CDKN3: variants seen among roughly 807,000 people sequenced by gnomAD.
CDKN3 encodes the protein cyclin dependent kinase inhibitor 3.
CDKN3 carries 19 observed loss-of-function variants against 36.1 expected under a neutral mutation model. That is an observed-to-expected ratio of 0.53 (90% CI 0.37 to 0.77). CDKN3 has a LOEUF of 0.77. Ranked by LOEUF, CDKN3 falls within the 30% of genes least tolerant of loss-of-function variation. The pLI, the probability that CDKN3 is intolerant of heterozygous loss-of-function variation, is 0.00. For missense variants in CDKN3, 188 were observed against 248.6 expected, an observed-to-expected ratio of 0.76 and a Z score of 1.64; for synonymous variants, 71 against 85.3, an observed-to-expected ratio of 0.83 and a Z score of 0.92.
At chr14:54,408,839 C>A in intron 4 of CDKN3, 50 bp downstream of exon 4, 2 of 1,490,482 alleles carry the variant, frequency 1.3e-6, no homozygotes, top group African/African-American at 1.5e-5. Flanking sequence ...AAATGAATAG[C>A]ATTGAAAAAC....
intron 4 of CDKN3, among the ~76,000 whole-genome samples, chr14:54,410,748 G>A (rs2030320216): frequency 2.6e-5 from 4 of 151,900 alleles, no homozygotes. Flanking sequence ...TAGCAGACAT[G>A]GTTGATTTTG....
intron 4 of CDKN3, among the ~76,000 whole-genome samples, chr14:54,410,918 C>G (rs1594605584): frequency 6.6e-6 from 1 of 151,998 alleles, no homozygotes; most frequent in African/African-American, 2.4e-5. Flanking sequence ...GTGGCTCATG[C>G]CTGTAATCCC....
At chr14:54,404,073 C>T (rs1458827201) in intron 3 of CDKN3, among the ~76,000 whole-genome samples, 2 of 152,148 alleles carry the variant, frequency 1.3e-5, no homozygotes, top group African/African-American at 4.8e-5. Context: ...GGAGGATTCC[C>T]TCTTTTTCTA....
chr14:54,404,742 T>A (rs999128079), intron 3 of CDKN3, among the ~76,000 whole-genome samples: 2 of 151,936 alleles, frequency 1.3e-5, no homozygotes, highest in Admixed American at 1.3e-4. Context: ...ACCCAGCTAA[T>A]TTTTTTGTAT....
chr14:54,411,935 T>C (rs935050704), intron 5 of CDKN3: 1 of 579,784 alleles, frequency 1.7e-6, no homozygotes, highest in Admixed American at 3.1e-5. Context: ...GATTTGGAAA[T>C]TGTTAGAACA....
intron 1 of CDKN3, 123 bp downstream of exon 1, chr14:54,397,200 T>G (rs565331760): frequency 5.2e-6 from 6 of 1,155,004 alleles, no homozygotes; most frequent in Non-Finnish European, 6.8e-6. Context: ...GCCGTAACCG[T>G]TCTGCGGGTC....
At chr14:54,398,605 A>G (rs1030686963) in intron 1 of CDKN3, among the ~76,000 whole-genome samples, 4 of 152,180 alleles carry the variant, frequency 2.6e-5, no homozygotes, top group Non-Finnish European at 5.9e-5. Flanking sequence ...TTATCTTTCA[A>G]TTGGTTTCAA....
intron 4 of CDKN3, among the ~76,000 whole-genome samples, chr14:54,410,802 A>C (rs895013324): frequency 1.3e-5 from 2 of 152,086 alleles, no homozygotes; most frequent in African/African-American, 4.8e-5. Context: ...TTGAACATAG[A>C]TCTATCATAC....
At chr14:54,411,253 C>A in intron 4 of CDKN3, 22 of 393,494 alleles carry the variant, frequency 5.6e-5, no homozygotes, top group South Asian at 2.5e-4. Context: ...TTTGCAAGAA[C>A]AGCAATTGAC....
At chr14:54,400,374 C>A (rs1391536539) in intron 2 of CDKN3, among the ~76,000 whole-genome samples, 2 of 151,450 alleles carry the variant, frequency 1.3e-5, no homozygotes, top group Non-Finnish European at 2.9e-5. Flanking sequence ...GAATAATATA[C>A]CAAATATGAG....
chr14:54,403,168 C>T (rs546191698), intron 3 of CDKN3, among the ~76,000 whole-genome samples: 1 of 152,270 alleles, frequency 6.6e-6, no homozygotes, highest in South Asian at 2.1e-4. Flanking sequence ...GATATTGATT[C>T]TTCCTATCCA....
chr14:54,401,469 C>T, intron 2 of CDKN3, 55 bp from the exon 3 acceptor site: 2 of 1,236,866 alleles, frequency 1.6e-6, no homozygotes, highest in South Asian at 1.3e-5. Context: ...ACTGAATTTC[C>T]ATTTATAACT....
intron 2 of CDKN3, among the ~76,000 whole-genome samples, chr14:54,400,591 TTCTCTCATCACTGCAAATATAATAG>T (rs2029905079): frequency 6.6e-6 from 1 of 152,214 alleles, no homozygotes; most frequent in Non-Finnish European, 1.5e-5. Context: ...ATCAAATGCT[TTCTCTCATCACTGCAAATATAATAG>T]TCTCTCTTCT....
chr14:54,411,438 G>A, intron 4 of CDKN3, 46 bp from the exon 5 acceptor site: 1 of 1,404,266 alleles, frequency 7.1e-7, no homozygotes, highest in Non-Finnish European at 1.0e-6. Context: ...TTAAATGTGT[G>A]ATGTTTTCTA....
At position 54,399,971 on chromosome 14, in the gene CDKN3, A is replaced by G. The variant is rs200773573; in HGVS notation, c.87A>G (p.Ile29Met). 4.2e-6 allele frequency: 6 copies of G among 1,417,008 alleles called. No homozygotes were observed. The highest frequency in any genetic ancestry group is 5.0e-6 in the Non-Finnish European group (5 of 1,000,532). The allele number at this position is 1,417,008 out of a possible 1,614,324, so 87.8% of individuals were successfully genotyped here. A position where few individuals can be genotyped will look rare whatever the true frequency, so the allele number is the denominator to read the frequency against. ...AAGATGAACAGACTCCAATTCATATATCATGGTATGTTAGCATTTCTGATC... is the reference window on the plus strand; with the variant it reads ...AAGATGAACAGACTCCAATTCATATGTCATGGTATGTTAGCATTTCTGATC... ...PIEDEQTPIH[I>M]SWLSLSRVNC... The change falls in exon 2 of 8, where the codon ATA (isoleucine) becomes ATG (methionine). Residue 29 changes from isoleucine (I) to methionine (M), a missense_variant. Physicochemically the swap from Ile to Met is conservative, Grantham distance 10. Coordinates refer to ENST00000335183, the MANE Select transcript of CDKN3 (RefSeq NM_005192.4).
In CDKN3 at chr14:54,397,093, T is replaced by C; in HGVS notation, c.9+16T>C. The C allele has an allele frequency of 6.7e-7, 1 of 1,501,096 alleles. No homozygotes were observed. Among genetic ancestry groups the C allele is most frequent in the Non-Finnish European group, 8.9e-7 (1 of 1,122,338 alleles). 93.0% of individuals were successfully genotyped at this position (1,501,096 alleles called of 1,614,324 possible). ...GATGAAGCCGGTGAGTCGGACGTGCTGGGGTTTGGAGGAGCGAGGCGGCAG... is the reference window on the plus strand; with the variant it reads ...GATGAAGCCGGTGAGTCGGACGTGCCGGGGTTTGGAGGAGCGAGGCGGCAG... On this transcript the variant is annotated intron_variant, in intron 1 of 7. Transcript: ENST00000335183.
intron 1 of CDKN3, 87 bp downstream of exon 1, chr14:54,397,164 C>T: frequency 7.4e-7 from 1 of 1,345,476 alleles, no homozygotes; most frequent in Non-Finnish European, 9.7e-7. Context: ...GGAGGGCAGC[C>T]CTAGCCTGGT....
At chr14:54,398,076 A>G (rs562347672) in intron 1 of CDKN3, among the ~76,000 whole-genome samples, 9 of 152,350 alleles carry the variant, frequency 5.9e-5, no homozygotes, top group Admixed American at 5.9e-4. Context: ...GGTTGCAGTG[A>G]GCGGATATCA....
chr14:54,416,889 A>T (rs1208171291), intron 6 of CDKN3, among the ~76,000 whole-genome samples: 2 of 152,234 alleles, frequency 1.3e-5, no homozygotes, highest in African/African-American at 2.4e-5. Flanking sequence ...AAACCTTTCT[A>T]CATGCAAGAT....
Sources: allele counts gnomAD v4.1 joint callset (sites outside exome capture counted in the v4.1 genomes callset), GRCh38; gene constraint gnomAD v4.1.1; transcripts MANE v1.5; gene names NCBI Gene and HGNC (gene_info 2026-07-23, HGNC 2026-07-21).